BTBD8: variants seen among roughly 807,000 people sequenced by gnomAD.
The protein encoded by BTBD8 is BTB/POZ domain-containing protein 8.
BTBD8 carries 110 observed loss-of-function variants against 162.9 expected under a neutral mutation model. That is an observed-to-expected ratio of 0.68 (90% CI 0.58 to 0.79). The LOEUF (loss-of-function observed/expected upper bound fraction) is 0.79. Ranked by LOEUF, BTBD8 falls within the 30% of genes least tolerant of loss-of-function variation. BTBD8 has a pLI of 0.00. For synonymous variants in BTBD8, 667 were observed against 716.1 expected, an observed-to-expected ratio of 0.93 and a Z score of 1.10; for missense variants, 1,905 against 2,085.4, an observed-to-expected ratio of 0.91 and a Z score of 1.68.
chr1:92,128,242 G>A (rs184715282), intron 4 of BTBD8, among the ~76,000 whole-genome samples: 1 of 150,338 alleles, frequency 6.7e-6, no homozygotes, highest in African/African-American at 2.5e-5. Flanking sequence ...TCAGCCTCCC[G>A]AGTAGTTGGG....
chr1:92,140,760 A>G (rs945333537), intron 6 of BTBD8, among the ~76,000 whole-genome samples: 2 of 152,246 alleles, frequency 1.3e-5, no homozygotes, highest in African/African-American at 4.8e-5. Context: ...CGCCCCTGCC[A>G]AGAAACTTTT....
chr1:92,108,288 A>G (rs1648795661), intron 4 of BTBD8, among the ~76,000 whole-genome samples: 1 of 152,256 alleles, frequency 6.6e-6, no homozygotes, highest in Non-Finnish European at 1.5e-5. Flanking sequence ...TATGTTCTGC[A>G]TTGGGCATGA....
chr1:92,159,792 T>A (rs1650242575), intron 9 of BTBD8, among the ~76,000 whole-genome samples: 1 of 152,216 alleles, frequency 6.6e-6, no homozygotes, highest in African/African-American at 2.4e-5. Context: ...CATTCTCTTG[T>A]ACATAAGTTG....
rs1203820738 is a variant in BTBD8, at chr1:92,129,768, T to C, written c.744T>C (p.Thr248=). The change falls in exon 5 of 18, where the codon ACT becomes ACC. Residue 248 remains threonine, a synonymous_variant. Transcript: ENST00000636805. ...CTGAAAGCTCCCAAGAGTACGTTAC[T>C]CTTCAAGGGTAAGCATATTTTTACA... ...CWAESSQEYV[T]LQGISHVELN... is the part of the protein sequence containing the mutation. The C allele has an allele frequency of 5.0e-6, 8 of 1,613,040 alleles. No individual in the cohort carries two copies. The highest frequency in any genetic ancestry group is 6.8e-6 in the Non-Finnish European group (8 of 1,179,150).
intron 12 of BTBD8, among the ~76,000 whole-genome samples, chr1:92,169,583 T>C (rs746889379): frequency 3.5e-5 from 5 of 141,272 alleles, no homozygotes; most frequent in Non-Finnish European, 7.9e-5. Flanking sequence ...TTAAAAAAAA[T>C]ATCAAAATAA....
intron 2 of BTBD8, among the ~76,000 whole-genome samples, chr1:92,091,536 C>CT (rs549874884): frequency 0.013 from 1,926 of 146,204 alleles, 29 homozygotes; most frequent in African/African-American, 0.037. Context: ...GCTGGTCTCT[C>CT]TTTTTTTTTT....
Position 92,167,956 on chromosome 1 carries a change from CTGCT to C in BTBD8, c.1415_1418del (p.Leu472ArgfsTer41). The C allele has an allele frequency of 6.5e-7, 1 of 1,548,410 alleles. No homozygotes were observed. Among genetic ancestry groups the C allele is most frequent in the South Asian group, 1.2e-5 (1 of 83,556 alleles). On this transcript the variant is annotated frameshift_variant, in exon 11 of 18. Transcript: ENST00000636805. LOFTEE classifies it high-confidence loss of function. The stretch of plus-strand genomic sequence containing the variant: ...CTCTCTTCTTATGGCTCTGGACACA[CTGCT>C]GAACTCTGACAGTACAAAGGAAATG...
Position 92,088,643 on chromosome 1 carries a change from G to A in BTBD8, c.150-55G>A, listed in dbSNP as rs916002186. The stretch of plus-strand genomic sequence containing the variant: ...TTTTAAACCTACTTTATAAAAATAT[G>A]TATACGTTTTTTAGTATCACTAATT... On this transcript the variant is annotated intron_variant, in intron 1 of 17. Coordinates refer to ENST00000636805, the MANE Select transcript of BTBD8 (RefSeq NM_001376131.1). The A allele has an allele frequency of 3.0e-6, 4 of 1,341,578 alleles. No individual in the cohort carries two copies. In the African/African-American group the frequency reaches 4.4e-5, roughly 15 times the overall value. The allele number at this position is 1,341,578 out of a possible 1,614,324, so 83.1% of individuals were successfully genotyped here.
At chr1:92,116,912 C>T (rs1179817987) in intron 4 of BTBD8, among the ~76,000 whole-genome samples, 1 of 149,818 alleles carries the variant, frequency 6.7e-6, no homozygotes, top group Non-Finnish European at 1.5e-5. Flanking sequence ...TGCAGTGATA[C>T]GATCATAGCT....
intron 5 of BTBD8, among the ~76,000 whole-genome samples, chr1:92,134,301 C>G (rs1649579564): frequency 6.6e-6 from 1 of 152,172 alleles, no homozygotes; most frequent in Non-Finnish European, 1.5e-5. Flanking sequence ...TGACTAAAAT[C>G]CTTCAGTGTC....
Position 92,171,430 on chromosome 1 carries a change from T to C in BTBD8, c.1605T>C (p.Leu535=). The change falls in exon 13 of 18, where the codon CTT becomes CTC. Residue 535 remains leucine (L), a synonymous_variant. Coordinates refer to ENST00000636805, the MANE Select transcript of BTBD8 (RefSeq NM_001376131.1). ...AAFDKGDDRR[L]GKKPIFSSSQ... Reference sequence around the variant, plus strand: ...TTGACAAAGGTGATGATCGAAGACTTGGCAAAAAGCCTATATTCAGTAGCT... The same window carrying C: ...TTGACAAAGGTGATGATCGAAGACTCGGCAAAAAGCCTATATTCAGTAGCT... 6.5e-7 allele frequency: 1 copy of C among 1,537,720 alleles called. No homozygotes were observed. Among genetic ancestry groups the C allele is most frequent in the East Asian group, 2.5e-5 (1 of 40,252 alleles).
At chr1:92,115,237 G>A (rs1649001645) in intron 4 of BTBD8, 2 of 486,348 alleles carry the variant, frequency 4.1e-6, no homozygotes, top group Non-Finnish European at 8.0e-6. Context: ...TTTCCCAGAG[G>A]GGCCATCCAC....
chr1:92,178,252 T>C, intron 15 of BTBD8, 60 bp from the exon 16 acceptor site: 1 of 1,373,024 alleles, frequency 7.3e-7, no homozygotes, highest in South Asian at 1.5e-5. Context: ...GTATTGGTCT[T>C]TTAAAAAGTT....
rs759554363 is a variant in BTBD8, at chr1:92,108,041, G to A, written c.662+40G>A. 2.7e-5 allele frequency: 42 copies of A among 1,555,254 alleles called. No individual in the cohort carries two copies. In the African/African-American group the frequency reaches 4.6e-4, roughly 17 times the overall value. On this transcript the variant is annotated intron_variant, in intron 4 of 17. Coordinates refer to ENST00000636805, the MANE Select transcript of BTBD8 (RefSeq NM_001376131.1). ...CTGATTTGCTGTCTTGGTTGTGGCT[G>A]TAGAGTGTGGAAGGGCAGCTGTCTC...
chr1:92,088,071 A>G (rs1648207195), intron 1 of BTBD8, among the ~76,000 whole-genome samples: 1 of 152,188 alleles, frequency 6.6e-6, no homozygotes, highest in African/African-American at 2.4e-5. Flanking sequence ...AGGATCACGA[A>G]TCCATCATTT....
At chr1:92,110,348 G>A (rs757589863) in intron 4 of BTBD8, among the ~76,000 whole-genome samples, 4 of 152,088 alleles carry the variant, frequency 2.6e-5, no homozygotes, top group South Asian at 2.1e-4. Flanking sequence ...TTCATTCTGC[G>A]TTTCAGCATC....
chr1:92,090,200 T>C (rs553407449), intron 2 of BTBD8, among the ~76,000 whole-genome samples: 26 of 152,346 alleles, frequency 1.7e-4, no homozygotes, highest in African/African-American at 5.5e-4. Flanking sequence ...ATGTTTAACC[T>C]TTTGAGAAAC....
chr1:92,090,672 G>A (rs1252113218), intron 2 of BTBD8, among the ~76,000 whole-genome samples: 1 of 152,190 alleles, frequency 6.6e-6, no homozygotes, highest in Non-Finnish European at 1.5e-5. Flanking sequence ...GCTCACACCT[G>A]TGATCCCAGC....
At chr1:92,116,870 T>A (rs1649054198) in intron 4 of BTBD8, among the ~76,000 whole-genome samples, 1 of 147,040 alleles carries the variant, frequency 6.8e-6, no homozygotes, top group African/African-American at 2.5e-5. Context: ...TTTTTTTTTT[T>A]ATTGGATCAC....
Sources: allele counts gnomAD v4.1 joint callset (sites outside exome capture counted in the v4.1 genomes callset), GRCh38; gene constraint gnomAD v4.1.1; transcripts MANE v1.5; gene names NCBI Gene and HGNC (gene_info 2026-07-23, HGNC 2026-07-21).